The following PIK3C2A variants were observed in gnomAD, a reference collection of about 807,000 sequenced individuals.
PIK3C2A encodes phosphatidylinositol-4-phosphate 3-kinase catalytic subunit type 2 alpha, also known as phosphatidylinositol 4-phosphate 3-kinase C2 domain-containing subunit alpha.
PIK3C2A carries 97 observed loss-of-function variants against 204.5 expected under a neutral mutation model. The observed-to-expected ratio is 0.47, with a 90% confidence interval of 0.40 to 0.56. The LOEUF is 0.56. Among genes scored for constraint, PIK3C2A ranks in the 20% least tolerant of loss-of-function variants. The probability of loss-of-function intolerance (pLI) is 0.00; values close to 1 mark genes in which losing one functional copy is unlikely to be tolerated. For missense variants in PIK3C2A, 1,735 were observed against 1,969.2 expected (o/e 0.88, Z 2.25); for synonymous variants, 653 against 664.4 (o/e 0.98, Z 0.26).
chr11:17,152,846 A>C (rs947221984), intron 3 of PIK3C2A, among the ~76,000 whole-genome samples: 3 of 152,172 alleles, frequency 2.0e-5, no homozygotes, highest in Non-Finnish European at 4.4e-5. Flanking sequence ...AGAGATAAAA[A>C]TGAGGGTTTT....
intron 22 of PIK3C2A, among the ~76,000 whole-genome samples, chr11:17,106,667 C>A (rs1003645657): frequency 6.6e-6 from 1 of 152,094 alleles, no homozygotes; most frequent in African/African-American, 2.4e-5. Flanking sequence ...GTCTTGAACT[C>A]CCATCCTTCA....
intron 3 of PIK3C2A, among the ~76,000 whole-genome samples, chr11:17,154,919 T>C (rs1850532655): frequency 6.6e-6 from 1 of 152,174 alleles, no homozygotes; most frequent in South Asian, 2.1e-4. Context: ...AAGTCACAAC[T>C]AATATAGTGA....
chr11:17,161,974 T>C (rs1010855837), intron 2 of PIK3C2A, among the ~76,000 whole-genome samples: 5 of 152,198 alleles, frequency 3.3e-5, no homozygotes, highest in African/African-American at 7.2e-5. Context: ...AACCAAACTT[T>C]ATCTTCCTGT....
At chr11:17,131,038 A>G (rs1250103998) in intron 12 of PIK3C2A, among the ~76,000 whole-genome samples, 1 of 151,986 alleles carries the variant, frequency 6.6e-6, no homozygotes, top group African/African-American at 2.4e-5. Flanking sequence ...CATACAAAAA[A>G]TTAGCCAGGC....
chr11:17,172,770 C>T (rs928773758), intron 1 of PIK3C2A, among the ~76,000 whole-genome samples: 2 of 152,144 alleles, frequency 1.3e-5, no homozygotes, highest in African/African-American at 4.8e-5. Flanking sequence ...GTATTTTCCC[C>T]TCCACTTCAT....
At chr11:17,150,680 A>T in intron 3 of PIK3C2A, 25 bp from the exon 4 acceptor site, 1 of 1,549,930 alleles carries the variant, frequency 6.5e-7, no homozygotes, top group Admixed American at 2.1e-5. Flanking sequence ...GAAGAAATTA[A>T]ATTCTTTTTT....
At chr11:17,121,416 C>G (rs953941237) in intron 15 of PIK3C2A, among the ~76,000 whole-genome samples, 1 of 152,202 alleles carries the variant, frequency 6.6e-6, no homozygotes, top group Admixed American at 6.5e-5. Flanking sequence ...CACGCCCAGT[C>G]TCCGAACAGT....
In PIK3C2A at chr11:17,094,377, T is replaced by G; in HGVS notation, c.4335A>C (p.Val1445=). 6.2e-7 allele frequency: 1 copy of G among 1,606,664 alleles called. No homozygotes were observed. The highest frequency in any genetic ancestry group is 8.5e-7 in the Non-Finnish European group (1 of 1,176,452). ...KYNPDKHYIY[V]VRILREGQIE... ...TCTGTCCTTCCCTCAAAATTCGGACTACATAAATCTGAAAAGAAATCACAC... is the reference window on the plus strand; with the variant it reads ...TCTGTCCTTCCCTCAAAATTCGGACGACATAAATCTGAAAAGAAATCACAC... Residue 1445 remains valine (V), a synonymous_variant, in exon 28 of 33, where the codon GTA becomes GTC. Transcript: ENST00000691414.
chr11:17,116,854 G>A (rs1291940417), intron 19 of PIK3C2A, among the ~76,000 whole-genome samples: 1 of 152,130 alleles, frequency 6.6e-6, no homozygotes, highest in African/African-American at 2.4e-5. Context: ...CTCCCAAAGT[G>A]CTGGGATTAC....
intron 1 of PIK3C2A, among the ~76,000 whole-genome samples, chr11:17,182,288 G>A (rs1851593515): frequency 6.6e-6 from 1 of 151,968 alleles, no homozygotes; most frequent in East Asian, 1.9e-4. Flanking sequence ...TAACCATAAA[G>A]AATAATCTAC....
At chr11:17,185,175 T>C (rs1421722507) in intron 1 of PIK3C2A, among the ~76,000 whole-genome samples, 1 of 152,202 alleles carries the variant, frequency 6.6e-6, no homozygotes, top group East Asian at 1.9e-4. Context: ...ATATTTTTAC[T>C]GTGCCTTTTC....
intron 18 of PIK3C2A, among the ~76,000 whole-genome samples, chr11:17,118,076 CT>C (rs35483291): frequency 6.2e-4 from 85 of 136,766 alleles, no homozygotes; most frequent in East Asian, 1.1e-3. Flanking sequence ...ATTTTTTTTT[CT>C]TTTTTTTTTT....
intron 18 of PIK3C2A, among the ~76,000 whole-genome samples, chr11:17,118,390 G>C (rs998010435): frequency 6.6e-6 from 1 of 152,052 alleles, no homozygotes; most frequent in Non-Finnish European, 1.5e-5. Flanking sequence ...TTGATAACCA[G>C]AAATGTATTT....
chr11:17,115,237 A>G (rs940183561), intron 19 of PIK3C2A, among the ~76,000 whole-genome samples: 1 of 152,070 alleles, frequency 6.6e-6, no homozygotes, highest in Non-Finnish European at 1.5e-5. Context: ...AACTATGGTA[A>G]TTAAAAAAAG....
chr11:17,099,265 C>T (rs2137279328), intron 26 of PIK3C2A, among the ~76,000 whole-genome samples: 1 of 152,278 alleles, frequency 6.6e-6, no homozygotes, highest in South Asian at 2.1e-4. Flanking sequence ...AAGTACTATG[C>T]CATGTAATAG....
intron 1 of PIK3C2A, among the ~76,000 whole-genome samples, chr11:17,192,064 G>C (rs1002685715): frequency 2.0e-5 from 3 of 151,990 alleles, no homozygotes; most frequent in African/African-American, 7.3e-5. Context: ...AGGAAAGCTT[G>C]AGCCCAGGAA....
At chr11:17,167,535 C>T (rs1328866582) in intron 2 of PIK3C2A, among the ~76,000 whole-genome samples, 12 of 152,112 alleles carry the variant, frequency 7.9e-5, no homozygotes, top group African/African-American at 2.4e-4. Flanking sequence ...GCAGGAGAAT[C>T]GCTTGAACCT....
At chr11:17,090,614 G>A (rs1360728405) in intron 32 of PIK3C2A, among the ~76,000 whole-genome samples, 1 of 152,140 alleles carries the variant, frequency 6.6e-6, no homozygotes, top group Non-Finnish European at 1.5e-5. Flanking sequence ...CACTGGAAAC[G>A]TAGTTGAATT....
At chr11:17,148,915 T>C in intron 4 of PIK3C2A, 128 bp from the exon 5 acceptor site, 1 of 610,528 alleles carries the variant, frequency 1.6e-6, no homozygotes, top group East Asian at 3.1e-5. Flanking sequence ...GCCACATATA[T>C]AATTTTAAAT....
Sources: allele counts gnomAD v4.1 joint callset (sites outside exome capture counted in the v4.1 genomes callset), GRCh38; gene constraint gnomAD v4.1.1; transcripts MANE v1.5; gene names NCBI Gene and HGNC (gene_info 2026-07-23, HGNC 2026-07-21).